The following GIGYF2 variants were observed in gnomAD, a reference collection of about 807,000 sequenced individuals.
GIGYF2 encodes the protein GRB10-interacting GYF protein 2.
A neutral mutation model predicts 208.1 loss-of-function variants in GIGYF2; 25 were observed. The ratio of observed to expected loss-of-function variants is 0.12; its 90% CI spans 0.09 to 0.17. The LOEUF (loss-of-function observed/expected upper bound fraction) is 0.17, where lower values mean the gene tolerates loss of function less well. Among genes scored for constraint, GIGYF2 ranks in the 10% least tolerant of loss-of-function variants. The probability of loss-of-function intolerance (pLI) is 1.00; values close to 1 mark genes in which losing one functional copy is unlikely to be tolerated. For synonymous variants in GIGYF2, 534 were observed against 543.8 expected (o/e 0.98, Z 0.25); for missense variants, 1,302 against 1,579.4 (o/e 0.82, Z 2.98).
At chr2:232,821,356 C>A (rs1295347467) in intron 21 of GIGYF2, among the ~76,000 whole-genome samples, 2 of 152,106 alleles carry the variant, frequency 1.3e-5, no homozygotes, top group Admixed American at 1.3e-4. Flanking sequence ...TGTGCTGCCA[C>A]GCTCGGCTAA....
chr2:232,779,584 A>C (rs1029747012), intron 8 of GIGYF2, among the ~76,000 whole-genome samples: 7 of 152,156 alleles, frequency 4.6e-5, no homozygotes, highest in African/African-American at 1.7e-4. Flanking sequence ...CCACATGTCC[A>C]AGCCAACTAC....
chr2:232,849,403 A>G (rs1690215999), intron 27 of GIGYF2, among the ~76,000 whole-genome samples: 1 of 152,082 alleles, frequency 6.6e-6, no homozygotes, highest in African/African-American at 2.4e-5. Flanking sequence ...CGACCTCATG[A>G]TCCGCCCTCC....
At chr2:232,782,998 A>G (rs1574878681) in intron 8 of GIGYF2, among the ~76,000 whole-genome samples, 1 of 152,286 alleles carries the variant, frequency 6.6e-6, no homozygotes, top group African/African-American at 2.4e-5. Context: ...TGTACTTTTA[A>G]AAAATGTTTT....
At chr2:232,820,316 C>CTTT (rs199677992) in intron 21 of GIGYF2, among the ~76,000 whole-genome samples, 1 of 138,716 alleles carries the variant, frequency 7.2e-6, no homozygotes, top group African/African-American at 2.7e-5. Flanking sequence ...GCAATAATTT[C>CTTT]TTTTTTTTTT....
chr2:232,819,678 T>G, intron 20 of GIGYF2, 149 bp from the exon 21 acceptor site: 1 of 613,006 alleles, frequency 1.6e-6, no homozygotes. Context: ...CATGTATACT[T>G]TTTACTCCAG....
intron 2 of GIGYF2, among the ~76,000 whole-genome samples, chr2:232,712,313 A>G (rs917559854): frequency 6.6e-6 from 1 of 152,228 alleles, no homozygotes; most frequent in Non-Finnish European, 1.5e-5. Flanking sequence ...ATCCTTCTAC[A>G]TGACTTTGTA....
At position 232,847,648 on chromosome 2, in the gene GIGYF2, T is replaced by G; in HGVS notation, c.3684+77T>G. The G allele has an allele frequency of 5.7e-6, 9 of 1,575,834 alleles. No individual in the cohort carries two copies. In the South Asian group the frequency reaches 9.0e-5, roughly 16 times the overall value. On this transcript the variant is annotated intron_variant, in intron 27 of 28. Coordinates refer to ENST00000373563, the MANE Select transcript of GIGYF2 (RefSeq NM_001103146.3). ...TGTTGAGTAACCCAAGAAATGAAAA[T>G]TAATACAAAGGTACCATTTTTGTAT...
chr2:232,717,410 G>A (rs1179523752), intron 2 of GIGYF2, among the ~76,000 whole-genome samples: 1 of 152,080 alleles, frequency 6.6e-6, no homozygotes, highest in East Asian at 1.9e-4. Flanking sequence ...ACATATACAT[G>A]TATATGTACT....
intron 5 of GIGYF2, among the ~76,000 whole-genome samples, chr2:232,752,776 G>A (rs941554785): frequency 3.9e-5 from 6 of 152,114 alleles, no homozygotes; most frequent in South Asian, 2.1e-4. Context: ...TCCTGACCTC[G>A]TGATCTGCCT....
intron 2 of GIGYF2, among the ~76,000 whole-genome samples, chr2:232,733,051 T>TC (rs1470990676): frequency 6.6e-6 from 1 of 151,950 alleles, no homozygotes; most frequent in African/African-American, 2.4e-5. Context: ...GGTCAGGAGA[T>TC]CAAGACCATC....
intron 19 of GIGYF2, among the ~76,000 whole-genome samples, chr2:232,816,301 C>T (rs957008947): frequency 1.3e-5 from 2 of 152,172 alleles, no homozygotes; most frequent in South Asian, 2.1e-4. Flanking sequence ...GGTTCTCAGG[C>T]GTACAAGAGA....
chr2:232,727,410 C>T (rs1213871098), intron 2 of GIGYF2, among the ~76,000 whole-genome samples: 1 of 152,230 alleles, frequency 6.6e-6, no homozygotes, highest in African/African-American at 2.4e-5. Context: ...AGCTAATCCC[C>T]TTTCCCCACC....
Position 232,799,936 on chromosome 2 carries a change from T to C in GIGYF2, c.1639+3715T>C, listed in dbSNP as rs569616136. 3.3e-5 allele frequency among the ~76,000 whole-genome samples: 5 copies of C among 152,154 alleles called. No homozygotes were observed. The South Asian group carries it at 1.0e-3, about 32-fold the overall frequency. On this transcript the variant is annotated intron_variant, in intron 14 of 28. Transcript: ENST00000373563. Reference sequence around the variant, plus strand: ...TTTGTATACCTTCTTTGGTGAAATGTCTATTCAAGTCCTTTGCCTTTTTTT... The same window carrying C: ...TTTGTATACCTTCTTTGGTGAAATGCCTATTCAAGTCCTTTGCCTTTTTTT...
intron 5 of GIGYF2, among the ~76,000 whole-genome samples, chr2:232,753,413 C>T (rs879742777): frequency 4.6e-5 from 7 of 152,094 alleles, no homozygotes; most frequent in Admixed American, 1.3e-4. Flanking sequence ...CATCTGCCAC[C>T]ATCCTTGGCC....
chr2:232,757,772 C>G (rs867370921), intron 6 of GIGYF2, among the ~76,000 whole-genome samples: 3 of 135,738 alleles, frequency 2.2e-5, no homozygotes, highest in East Asian at 2.2e-4. Context: ...GAACAGCACC[C>G]CCCGCCCCCC....
chr2:232,818,381 A>C (rs1396214331), intron 20 of GIGYF2, among the ~76,000 whole-genome samples: 1 of 152,214 alleles, frequency 6.6e-6, no homozygotes, highest in Non-Finnish European at 1.5e-5. Context: ...TCCCCTAGAA[A>C]GTAGGTTTTC....
At chr2:232,707,422 A>T (rs115447355) in intron 2 of GIGYF2, among the ~76,000 whole-genome samples, 24 of 152,272 alleles carry the variant, frequency 1.6e-4, no homozygotes, top group African/African-American at 5.5e-4. Flanking sequence ...TCTACTTGAT[A>T]AATCATGGCT....
chr2:232,763,607 G>T (rs1276242167), intron 8 of GIGYF2, among the ~76,000 whole-genome samples: 1 of 151,934 alleles, frequency 6.6e-6, no homozygotes, highest in Non-Finnish European at 1.5e-5. Context: ...GGCAGATCAC[G>T]TGAGGTCAGG....
chr2:232,757,433 G>T (rs1698592381), intron 6 of GIGYF2, among the ~76,000 whole-genome samples: 1 of 151,880 alleles, frequency 6.6e-6, no homozygotes, highest in South Asian at 2.1e-4. Flanking sequence ...ACAAAATTTT[G>T]GGTGGTGGGA....
Sources: gnomAD v4.1 joint callset for allele counts (sites outside exome capture counted in the v4.1 genomes callset) on GRCh38, gnomAD v4.1.1 for gene constraint, MANE v1.5 for transcripts, NCBI Gene and HGNC (gene_info 2026-07-23, HGNC 2026-07-21) for gene names.